SNX30: variants seen among roughly 807,000 people sequenced by gnomAD.
SNX30 encodes the protein sorting nexin-30.
Under a neutral mutation model 46.4 loss-of-function variants are expected in SNX30, and 24 were observed. That is an observed-to-expected ratio of 0.52 (90% CI 0.37 to 0.73). The LOEUF (loss-of-function observed/expected upper bound fraction) is 0.73, where lower values mean the gene tolerates loss of function less well. Ranked by LOEUF, SNX30 falls within the 30% of genes least tolerant of loss-of-function variation. The pLI is 0.00. For synonymous variants in SNX30, 189 were observed against 211.5 expected (o/e 0.89, Z 0.92); for missense variants, 533 against 555.7 (o/e 0.96, Z 0.41).
intron 1 of SNX30, among the ~76,000 whole-genome samples, chr9:112,770,234 C>T (rs62576385): frequency 0.069 from 10,536 of 151,778 alleles, 462 homozygotes; most frequent in Non-Finnish European, 0.1. Context: ...TGTTGTGGTG[C>T]GGTTTCGACT....
chr9:112,836,541 A>T, intron 5 of SNX30, 132 bp downstream of exon 5: 1 of 978,074 alleles, frequency 1.0e-6, no homozygotes, highest in Admixed American at 2.8e-5. Flanking sequence ...CTTATCAAAG[A>T]AATACAAGGA....
intron 2 of SNX30, among the ~76,000 whole-genome samples, chr9:112,816,061 T>C (rs1232419853): frequency 1.3e-5 from 2 of 152,102 alleles, no homozygotes; most frequent in Non-Finnish European, 2.9e-5. Context: ...CCCAGGCTGG[T>C]CTCAAACTCT....
downstream of SNX30, chr9:112,885,669 T>C (rs1410981095): frequency 6.6e-6 from 1 of 152,120 alleles, no homozygotes; most frequent in Non-Finnish European, 1.5e-5. Context: ...TTAGTGTAAA[T>C]AAGAAGTGAA....
At chr9:112,796,846 C>G (rs758688484) in intron 1 of SNX30, among the ~76,000 whole-genome samples, 1 of 152,122 alleles carries the variant, frequency 6.6e-6, no homozygotes, top group Non-Finnish European at 1.5e-5. Context: ...CCGTCATCAG[C>G]TAGAGCTCAT....
chr9:112,865,701 A>G (rs1841326620), intron 8 of SNX30, among the ~76,000 whole-genome samples: 1 of 140,630 alleles, frequency 7.1e-6, no homozygotes, highest in Non-Finnish European at 1.5e-5. Flanking sequence ...GTATACACAC[A>G]TATATATACA....
chr9:112,880,861 C>A (rs113106172), intron 5 of SNX30, among the ~76,000 whole-genome samples: 1 of 152,118 alleles, frequency 6.6e-6, no homozygotes, highest in Non-Finnish European at 1.5e-5. Flanking sequence ...TCTGAAGGAA[C>A]TTCTCTTACT....
chr9:112,777,401 A>C (rs1363640991), intron 1 of SNX30, among the ~76,000 whole-genome samples: 1 of 151,722 alleles, frequency 6.6e-6, no homozygotes, highest in Non-Finnish European at 1.5e-5. Context: ...TTCGTCTTCC[A>C]TATAATCTTT....
rs115983664 is a variant in SNX30, at chr9:112,790,930, A to G, written c.157-13846A>G. On this transcript the variant is annotated intron_variant, in intron 1 of 8. Coordinates refer to ENST00000374232, the MANE Select transcript of SNX30 (RefSeq NM_001012994.2). ...TTCTCTATATTATTGCGGTAACTAG[A>G]CTTTCCAGAATGGTTTTGAATTATG... Among the ~76,000 whole-genome samples, 970 of 152,278 alleles carry G rather than the reference A, an allele frequency of 6.4e-3. 9 individuals carry two copies. The highest frequency in any genetic ancestry group is 0.022 in the African/African-American group (901 of 41,558).
At chr9:112,804,697 T>C in intron 1 of SNX30, 79 bp from the exon 2 acceptor site, 1 of 1,310,420 alleles carries the variant, frequency 7.6e-7, no homozygotes, top group Non-Finnish European at 1.0e-6. Flanking sequence ...TGTTTATTGG[T>C]TTGGCTAAAC....
chr9:112,756,303 A>C (rs1839347062), intron 1 of SNX30, among the ~76,000 whole-genome samples: 1 of 152,108 alleles, frequency 6.6e-6, no homozygotes, highest in African/African-American at 2.4e-5. Context: ...ACTCTCATTC[A>C]TTAAATCTTT....
rs141072361 is a variant in SNX30, at chr9:112,774,497, C to T, written c.156+23340C>T. On this transcript the variant is annotated intron_variant, in intron 1 of 8. Transcript: ENST00000374232. ...CCTAGAAAGACACAAATAAAGCTGC[C>T]GTGATCATTCATGTGCAAGTCTTTG... 1.8e-3 allele frequency among the ~76,000 whole-genome samples: 272 copies of T among 152,208 alleles called. 1 individual carries two copies. The highest frequency in any genetic ancestry group is 0.017 in the South Asian group (84 of 4,826).
chr9:112,879,396 A>G, downstream of SNX30: 1 of 206,006 alleles, frequency 4.9e-6, no homozygotes, highest in Non-Finnish European at 9.9e-6. Flanking sequence ...TGGAGCCCTC[A>G]AGACAGTCCC....
At chr9:112,764,023 C>T (rs1164065911) in intron 1 of SNX30, among the ~76,000 whole-genome samples, 6 of 152,054 alleles carry the variant, frequency 3.9e-5, no homozygotes. Context: ...TCCACCCTTT[C>T]GAGTCTCCTT....
At chr9:112,804,330 A>T (rs1214373046) in intron 1 of SNX30, among the ~76,000 whole-genome samples, 2 of 152,072 alleles carry the variant, frequency 1.3e-5, no homozygotes, top group South Asian at 2.1e-4. Context: ...ATGTCCAGCT[A>T]ATTTTTGTAT....
At chr9:112,819,648 G>A (rs184752357) in intron 3 of SNX30, among the ~76,000 whole-genome samples, 6 of 152,284 alleles carry the variant, frequency 3.9e-5, no homozygotes, top group Non-Finnish European at 2.9e-5. Flanking sequence ...GCTCTTCTTG[G>A]TTGTAACAGT....
At chr9:112,817,124 C>G (rs1326089684) in intron 2 of SNX30, among the ~76,000 whole-genome samples, 2 of 152,034 alleles carry the variant, frequency 1.3e-5, no homozygotes, top group African/African-American at 4.8e-5. Flanking sequence ...AAAACCTTTT[C>G]TATTTTCATC....
intron 8 of SNX30, among the ~76,000 whole-genome samples, chr9:112,867,000 C>T (rs1259457002): frequency 6.6e-6 from 1 of 150,460 alleles, no homozygotes; most frequent in African/African-American, 2.5e-5. Flanking sequence ...TCTCCCTCCT[C>T]AGAACTCCTC....
At chr9:112,853,656 A>C (rs933310929) in intron 7 of SNX30, among the ~76,000 whole-genome samples, 1 of 152,236 alleles carries the variant, frequency 6.6e-6, no homozygotes, top group Non-Finnish European at 1.5e-5. Flanking sequence ...TATATGTGGA[A>C]TCTAACAAAG....
chr9:112,857,064 C>T (rs1248879576), intron 7 of SNX30, among the ~76,000 whole-genome samples: 8 of 152,234 alleles, frequency 5.3e-5, no homozygotes, highest in Admixed American at 5.2e-4. Flanking sequence ...GCCCCAGCAG[C>T]TGTGCTCCCT....
Sources: allele counts gnomAD v4.1 joint callset (sites outside exome capture counted in the v4.1 genomes callset), GRCh38; gene constraint gnomAD v4.1.1; transcripts MANE v1.5; gene names NCBI Gene and HGNC (gene_info 2026-07-23, HGNC 2026-07-21).